Variants in OXR1 observed in about 807,000 individuals in gnomAD.
OXR1 encodes the protein oxidation resistance 1, also known as oxidation resistance protein 1.
In OXR1, 41 loss-of-function variants were observed where a neutral mutation model predicts 104.6. The observed-to-expected ratio is 0.39, with a 90% CI of 0.31 to 0.51. OXR1 has a LOEUF of 0.51. Among genes scored for constraint, OXR1 ranks in the 20% least tolerant of loss-of-function variants. OXR1 has a pLI of 0.77. For missense variants in OXR1, 955 were observed against 1,031.9 expected (o/e 0.93, Z 1.02); for synonymous variants, 348 against 348.4 (o/e 1.00, Z 0.01).
intron 3 of OXR1, among the ~76,000 whole-genome samples, chr8:106,565,256 G>T (rs376981622): frequency 3.2e-4 from 49 of 152,196 alleles, no homozygotes; most frequent in African/African-American, 1.1e-3. Context: ...AACTCCTTAA[G>T]CTAATAAGCA....
chr8:106,663,040 C>A (rs1419729651), intron 3 of OXR1, among the ~76,000 whole-genome samples: 1 of 152,094 alleles, frequency 6.6e-6, no homozygotes, highest in Non-Finnish European at 1.5e-5. Context: ...TGCACATATT[C>A]CAAATCCATC....
At chr8:106,568,901 T>C (rs1260061932) in intron 3 of OXR1, among the ~76,000 whole-genome samples, 1 of 152,142 alleles carries the variant, frequency 6.6e-6, no homozygotes, top group Admixed American at 6.6e-5. Context: ...GTAAACATTA[T>C]GTAAAACGTG....
chr8:106,486,074 T>C (rs763031015), intron 2 of OXR1, among the ~76,000 whole-genome samples: 74 of 152,124 alleles, frequency 4.9e-4, no homozygotes, highest in African/African-American at 1.4e-3. Context: ...ATTAATAATA[T>C]ACTGTATTCT....
chr8:106,441,301 T>C (rs150257270), intron 2 of OXR1, among the ~76,000 whole-genome samples: 28 of 152,352 alleles, frequency 1.8e-4, no homozygotes, highest in Admixed American at 7.8e-4. Context: ...ACCAGTACCA[T>C]GCTATTTTGG....
chr8:106,533,885 A>AT (rs1814281059), intron 3 of OXR1, among the ~76,000 whole-genome samples: 2 of 151,666 alleles, frequency 1.3e-5, no homozygotes, highest in African/African-American at 4.8e-5. Flanking sequence ...CTAATTTTGA[A>AT]TTTTTTTAGT....
intron 3 of OXR1, among the ~76,000 whole-genome samples, chr8:106,606,210 C>T (rs1288755481): frequency 6.6e-6 from 1 of 152,178 alleles, no homozygotes; most frequent in Non-Finnish European, 1.5e-5. Context: ...CCTACTTTCC[C>T]TGGCTCTTGG....
At chr8:106,739,075 T>C (rs370318667) in intron 12 of OXR1, among the ~76,000 whole-genome samples, 9 of 141,628 alleles carry the variant, frequency 6.4e-5, no homozygotes, top group South Asian at 2.4e-4. Context: ...TTAAATAGCA[T>C]ACACACACAC....
At chr8:106,734,833 A>G (rs972247478) in intron 11 of OXR1, among the ~76,000 whole-genome samples, 2 of 152,216 alleles carry the variant, frequency 1.3e-5, no homozygotes, top group Non-Finnish European at 2.9e-5. Context: ...AGTATAGGTC[A>G]TGGTACTTAG....
rs181033265 is a variant in OXR1 at position 106,369,582 on chromosome 8, A to G, written c.23+9946A>G. Among the ~76,000 whole-genome samples the G allele has an allele frequency of 7.9e-5, 12 of 152,184 alleles. No homozygotes were observed. In the East Asian group the frequency reaches 2.3e-3, roughly 29 times the overall value. On this transcript the variant is annotated intron_variant, in intron 2 of 16. Transcript: ENST00000517566. The stretch of plus-strand genomic sequence containing the variant: ...CTTGAGTTAATTTTTTTATAAGATG[A>G]CGGAAGGGGTCCAGTTTCAGTTTTC...
Position 106,679,274 on chromosome 8 carries a change from A to G in OXR1, c.285A>G (p.Lys95=). Reference sequence around the variant, plus strand: ...GACGAATGTCTTTTCAGAAACCTAAAGGGACTATTGAGTATACTGTAAGTT... The same window carrying G: ...GACGAATGTCTTTTCAGAAACCTAAGGGGACTATTGAGTATACTGTAAGTT... ...DGRRMSFQKP[K]GTIEYTVESR... The change falls in exon 4 of 17, where the codon AAA becomes AAG. Residue 95 remains lysine, a synonymous_variant. Coordinates refer to ENST00000517566, the MANE Select transcript of OXR1 (RefSeq NM_001198533.2). The G allele has an allele frequency of 6.3e-7, 1 of 1,596,472 alleles. No homozygotes were observed. The highest frequency in any genetic ancestry group is 8.6e-7 in the Non-Finnish European group (1 of 1,164,574).
At chr8:106,346,718 T>C (rs1815496596) in intron 1 of OXR1, among the ~76,000 whole-genome samples, 1 of 149,910 alleles carries the variant, frequency 6.7e-6, no homozygotes, top group African/African-American at 2.4e-5. Context: ...CTCTGAGGTT[T>C]AGAGGCCCTT....
chr8:106,609,859 C>T (rs7459658), intron 3 of OXR1, among the ~76,000 whole-genome samples: 89 of 151,296 alleles, frequency 5.9e-4, no homozygotes, highest in Middle Eastern at 3.5e-3. Flanking sequence ...CACACACACA[C>T]ATTTATGAGA....
chr8:106,401,380 A>G (rs546424513), intron 2 of OXR1, among the ~76,000 whole-genome samples: 9 of 152,252 alleles, frequency 5.9e-5, no homozygotes, highest in African/African-American at 2.2e-4. Flanking sequence ...GGTGTCTACT[A>G]AGGCCTGGTA....
chr8:106,706,611 G>C lies in OXR1; in HGVS notation c.1090G>C (p.Gly364Arg). 1 of 1,613,076 alleles carries C rather than the reference G, an allele frequency of 6.2e-7. No individual in the cohort carries two copies. The highest frequency in any genetic ancestry group is 8.5e-7 in the Non-Finnish European group (1 of 1,179,756). The change falls in exon 9 of 17, where the codon GGT (glycine) becomes CGT (arginine). Residue 364 changes from glycine (G) to arginine (R), a missense_variant. Around this residue, in one of 2 missense-constraint regions of OXR1, gnomAD observed 849 missense variants for 852.9 expected, o/e 1.00. Transcript: ENST00000517566. ...TGAACTGCGACAAGATAAATCTTCT[G>C]GTGCGTCATCAGAATCTGTGCAAAC... The part of the protein sequence containing the change: ...SDELRQDKSS[G>R]ASSESVQTVN...
At chr8:106,361,254 C>T (rs890254705) in intron 2 of OXR1, among the ~76,000 whole-genome samples, 2 of 152,162 alleles carry the variant, frequency 1.3e-5, no homozygotes, top group Non-Finnish European at 2.9e-5. Context: ...TAAAAGAAAG[C>T]TTTAAATTGT....
intron 11 of OXR1, among the ~76,000 whole-genome samples, chr8:106,731,906 T>G (rs1214095124): frequency 6.6e-6 from 1 of 152,124 alleles, no homozygotes; most frequent in African/African-American, 2.4e-5. Context: ...TTCTATAAAT[T>G]TTAGAATCAA....
At chr8:106,300,193 A>G (rs1393497426) in intron 1 of OXR1, among the ~76,000 whole-genome samples, 1 of 152,116 alleles carries the variant, frequency 6.6e-6, no homozygotes, top group Non-Finnish European at 1.5e-5. Flanking sequence ...ATCTTCCTGA[A>G]CTTCTGAGTA....
At chr8:106,479,415 TGCCTTCTGTAGTA>T (rs1359374945) in intron 2 of OXR1, among the ~76,000 whole-genome samples, 14 of 152,020 alleles carry the variant, frequency 9.2e-5, no homozygotes, top group African/African-American at 3.4e-4. Context: ...AAGTCTTTAT[TGCCTTCTGTAGTA>T]TAACTTTGGA....
At chr8:106,693,639 C>A (rs546680360) in intron 7 of OXR1, among the ~76,000 whole-genome samples, 65 of 152,126 alleles carry the variant, frequency 4.3e-4, no homozygotes, top group Non-Finnish European at 9.0e-4. Context: ...CCATGTTGGT[C>A]AGGCTGGTCT....
Sources: allele counts gnomAD v4.1 joint callset (sites outside exome capture counted in the v4.1 genomes callset), GRCh38; gene constraint gnomAD v4.1.1; regional missense constraint gnomAD v4.1.1; transcripts MANE v1.5; gene names NCBI Gene and HGNC (gene_info 2026-07-23, HGNC 2026-07-21).